Variants in MAMLD1 observed in about 807,000 individuals in gnomAD.
MAMLD1 encodes mastermind-like domain-containing protein 1.
MAMLD1 carries 14 observed loss-of-function variants against 45.0 expected under a neutral mutation model. The observed-to-expected ratio is 0.31, with a 90% CI of 0.21 to 0.49. The LOEUF (loss-of-function observed/expected upper bound fraction) is 0.49. Ranked by LOEUF, MAMLD1 falls within the 20% of genes least tolerant of loss-of-function variation. MAMLD1 has a pLI of 0.99. For synonymous variants in MAMLD1, 254 were observed against 247.8 expected (o/e 1.02, Z -0.24); for missense variants, 543 against 603.6 (o/e 0.90, Z 1.05).
intron 1 of MAMLD1, among the ~76,000 whole-genome samples, chrX:150,421,852 A>G (rs1557403561): frequency 8.9e-6 from 1 of 112,202 alleles, no homozygotes; most frequent in African/African-American, 3.2e-5. Context: ...TAATGTGGAA[A>G]GAAGGGACCC....
chrX:150,500,393 G>T (rs1324513986), intron 5 of MAMLD1, among the ~76,000 whole-genome samples: 1 of 111,065 alleles, frequency 9.0e-6, no homozygotes, highest in Non-Finnish European at 1.9e-5. Flanking sequence ...TGCTGAGAGG[G>T]TGGATGTGCT....
At chrX:150,491,697 T>A (rs1557407950) in intron 5 of MAMLD1, among the ~76,000 whole-genome samples, 1 of 111,764 alleles carries the variant, frequency 8.9e-6, no homozygotes, top group Non-Finnish European at 1.9e-5. Flanking sequence ...CTTTGCTCCT[T>A]GAGAAGCTGG....
intron 1 of MAMLD1, among the ~76,000 whole-genome samples, chrX:150,413,021 T>C (rs1017533185): frequency 1.8e-5 from 2 of 111,535 alleles, no homozygotes; most frequent in Non-Finnish European, 3.8e-5. Context: ...CCACTGTGCC[T>C]GGCCTGCTTT....
At chrX:150,446,658 C>T (rs1378878665) in intron 2 of MAMLD1, among the ~76,000 whole-genome samples, 1 of 112,494 alleles carries the variant, frequency 8.9e-6, no homozygotes, top group African/African-American at 3.2e-5. Context: ...CTGCACTCCC[C>T]AGCTCTCACA....
intron 5 of MAMLD1, among the ~76,000 whole-genome samples, chrX:150,477,078 G>A (rs1310941561): frequency 1.8e-5 from 2 of 113,408 alleles, no homozygotes; most frequent in African/African-American, 3.2e-5. Flanking sequence ...GCCTTGGCAG[G>A]GGACAGGCCC....
intron 5 of MAMLD1, among the ~76,000 whole-genome samples, chrX:150,478,220 A>G (rs1288541815): frequency 8.9e-6 from 1 of 112,367 alleles, no homozygotes; most frequent in Non-Finnish European, 1.9e-5. Context: ...AGGCCAAGAG[A>G]ATTTCCGATT....
intron 1 of MAMLD1, among the ~76,000 whole-genome samples, chrX:150,444,387 T>C (rs1557404700): frequency 8.9e-6 from 1 of 112,027 alleles, no homozygotes; most frequent in Non-Finnish European, 1.9e-5. Context: ...TCTTTGTTAG[T>C]GCCCATTGGC....
At chrX:150,453,194 C>T (rs1371162279) in intron 2 of MAMLD1, among the ~76,000 whole-genome samples, 1 of 112,160 alleles carries the variant, frequency 8.9e-6, no homozygotes, top group African/African-American at 3.2e-5. Context: ...CAGAGGTTGG[C>T]AAACTACAGC....
intron 5 of MAMLD1, among the ~76,000 whole-genome samples, chrX:150,502,971 G>T (rs2148357411): frequency 8.9e-6 from 1 of 112,031 alleles, no homozygotes; most frequent in South Asian, 3.7e-4. Context: ...CCATGGATGG[G>T]TATTAAGTGG....
upstream of MAMLD1, chrX:150,363,315 G>A (rs1217207534): frequency 8.9e-6 from 1 of 112,961 alleles, no homozygotes; most frequent in South Asian, 3.6e-4. Flanking sequence ...AATGGAGCGA[G>A]CAGATTGAGG....
intron 1 of MAMLD1, among the ~76,000 whole-genome samples, chrX:150,378,982 AC>A (rs2032468144): frequency 8.9e-6 from 1 of 112,277 alleles, no homozygotes; most frequent in African/African-American, 3.2e-5. Flanking sequence ...AGATCTGGGT[AC>A]TAAAAGCATG....
At position 150,382,644 on chromosome X, in the gene MAMLD1, T is replaced by A. The variant is rs1346231015; in HGVS notation, c.-64+19114T>A. The stretch of plus-strand genomic sequence containing the variant: ...CCTCTTTTATTTAGGTCTTTATTCT[T>A]TTATGAGCACAAAAAAGGTGTTTAT... On this transcript the variant is annotated intron_variant, in intron 1 of 7. Coordinates refer to ENST00000370401, the MANE Select transcript of MAMLD1 (RefSeq NM_005491.5). 2.7e-5 allele frequency among the ~76,000 whole-genome samples: 3 copies of A among 111,588 alleles called. No individual in the cohort carries two copies. The Admixed American group carries it at 2.9e-4, about 11-fold the overall frequency.
At chrX:150,394,129 C>CTTTTTTTTT (rs781904160) in intron 1 of MAMLD1, among the ~76,000 whole-genome samples, 7 of 12,263 alleles carry the variant, frequency 5.7e-4, no homozygotes, top group East Asian at 3.6e-3. Context: ...TATCTACATC[C>CTTTTTTTTT]TTTTTTTTTT....
intron 1 of MAMLD1, among the ~76,000 whole-genome samples, chrX:150,433,722 A>G (rs2035028474): frequency 9.0e-6 from 1 of 111,722 alleles, no homozygotes; most frequent in Non-Finnish European, 1.9e-5. Flanking sequence ...ATTGATTTGC[A>G]TATGTTGAAC....
At chrX:150,500,309 G>A (rs2148353334) in intron 5 of MAMLD1, among the ~76,000 whole-genome samples, 1 of 111,951 alleles carries the variant, frequency 8.9e-6, no homozygotes, top group Admixed American at 9.5e-5. Flanking sequence ...ACCACACATG[G>A]CAGCCTGTCT....
intron 1 of MAMLD1, among the ~76,000 whole-genome samples, chrX:150,370,630 T>A (rs1238591787): frequency 1.8e-5 from 2 of 111,179 alleles, no homozygotes; most frequent in Non-Finnish European, 3.8e-5. Context: ...CCCAAGAGCA[T>A]TTTCTTCCAG....
rs782309899 is a variant in MAMLD1 at position 150,503,696 on chromosome X, C to T, written c.2284+179C>T. Among the ~76,000 whole-genome samples the T allele has an allele frequency of 3.3e-4, 37 of 112,385 alleles. No individual in the cohort carries two copies. The South Asian group carries it at 0.014, about 41-fold the overall frequency. ...AGTGCTTCCTGGGCCTGCTTGTTCT[C>T]TACTTTCTGCCCGGCATTCTTTGGC... is the stretch of plus-strand genomic sequence containing the variant. On this transcript the variant is annotated intron_variant, in intron 6 of 7. Transcript: ENST00000370401.
In MAMLD1 at chrX:150,470,524, T is replaced by A; in HGVS notation, c.951T>A (p.Ser317=). The A allele has an allele frequency of 8.3e-7, 1 of 1,211,782 alleles. No individual in the cohort carries two copies. The highest frequency in any genetic ancestry group is 1.1e-6 in the Non-Finnish European group (1 of 895,518). ...CGTTGGCAGCCAGCAAGCAGGGGTC[T>A]GCTACAAAGCAGCAAGGGCCCACCC... The part of the protein sequence containing the change: ...LKALAASKQG[S]ATKQQGPTPS... Residue 317 remains serine (S), a synonymous_variant, in exon 4 of 8, where the codon TCT becomes TCA. Transcript: ENST00000370401.
intron 5 of MAMLD1, among the ~76,000 whole-genome samples, chrX:150,501,759 GAAA>G (rs782172958): frequency 6.2e-5 from 7 of 112,066 alleles, no homozygotes; most frequent in Non-Finnish European, 1.1e-4. Flanking sequence ...CCTCCCCTTG[GAAA>G]ACCTTGCCTG....
Sources: allele counts gnomAD v4.1 joint callset (sites outside exome capture counted in the v4.1 genomes callset), GRCh38; gene constraint gnomAD v4.1.1; transcripts MANE v1.5; gene names NCBI Gene and HGNC (gene_info 2026-07-23, HGNC 2026-07-21).